The following BRWD1 variants were observed in gnomAD, a reference collection of about 807,000 sequenced individuals.
BRWD1 encodes the protein bromodomain and WD repeat domain containing 1, also known as bromodomain and WD repeat-containing protein 1.
In BRWD1, 82 loss-of-function variants were observed where a neutral mutation model predicts 251.2. The observed-to-expected ratio is 0.33, with a 90% CI of 0.27 to 0.39. BRWD1 has a LOEUF of 0.39. Among genes scored for constraint, BRWD1 ranks in the 10% least tolerant of loss-of-function variants. The pLI is 1.00. For synonymous variants in BRWD1, 918 were observed against 902.8 expected, an observed-to-expected ratio of 1.02 and a Z score of -0.30; for missense variants, 2,233 against 2,711.6, an observed-to-expected ratio of 0.82 and a Z score of 3.92.
At chr21:39,274,815 G>A (rs993741170) in intron 12 of BRWD1, among the ~76,000 whole-genome samples, 1 of 152,218 alleles carries the variant, frequency 6.6e-6, no homozygotes, top group African/African-American at 2.4e-5. Flanking sequence ...GCCAAGGTGG[G>A]TGGATCACAA....
chr21:39,281,001 A>C (rs1187457575), intron 8 of BRWD1, among the ~76,000 whole-genome samples: 1 of 152,230 alleles, frequency 6.6e-6, no homozygotes, highest in Non-Finnish European at 1.5e-5. Flanking sequence ...ATTAAATAGT[A>C]GGAAAATGCA....
In BRWD1 at chr21:39,187,450, A is replaced by G. The variant is rs753342200; in HGVS notation, c.*8809T>C. The G allele has an allele frequency of 6.6e-7, 1 of 1,520,480 alleles. No homozygotes were observed. Among genetic ancestry groups the G allele is most frequent in the Non-Finnish European group, 8.8e-7 (1 of 1,138,176 alleles). The allele number at this position is 1,520,480 out of a possible 1,614,324, so 94.2% of individuals were successfully genotyped here. A position where few individuals can be genotyped will look rare whatever the true frequency, so the allele number is the denominator to read the frequency against. On this transcript the variant is annotated 3_prime_UTR_variant, in exon 41 of 41. Coordinates refer to ENST00000342449, the MANE Select transcript of BRWD1 (RefSeq NM_033656.4). ...ATGAGTGAAAGTTCATGTAAATGCA[A>G]AAATCTTGTAACACAAGATTTTACT... is the stretch of plus-strand genomic sequence containing the variant.
intron 27 of BRWD1, among the ~76,000 whole-genome samples, chr21:39,227,521 A>G (rs1450869860): frequency 6.6e-6 from 1 of 152,166 alleles, no homozygotes; most frequent in African/African-American, 2.4e-5. Flanking sequence ...CACAAAAATC[A>G]CATTCGAGTA....
chr21:39,185,471 C>T (rs573949437), downstream of BRWD1: 14 of 152,006 alleles, frequency 9.2e-5, no homozygotes, highest in African/African-American at 2.7e-4. Flanking sequence ...AAAAATCAAA[C>T]CCCATGCACC....
In BRWD1 at chr21:39,218,683, T is replaced by G. The variant is rs147318979; in HGVS notation, c.3383-23A>C. 4.8e-3 allele frequency: 7,431 copies of G among 1,544,334 alleles called. 34 individuals carry two copies. The highest frequency in any genetic ancestry group is 5.5e-3 in the Middle Eastern group (32 of 5,798). On this transcript the variant is annotated intron_variant, in intron 29 of 40. Transcript: ENST00000342449. Reference sequence around the variant, plus strand: ...CAACTATGAATACCATAAAAAACAATGAGAGGAAGAAAAAAACACAAAAAA... The same window carrying G: ...CAACTATGAATACCATAAAAAACAAGGAGAGGAAGAAAAAAACACAAAAAA...
intron 4 of BRWD1, among the ~76,000 whole-genome samples, chr21:39,308,433 G>A (rs1253394628): frequency 7.4e-6 from 1 of 135,596 alleles, no homozygotes; most frequent in Non-Finnish European, 1.5e-5. Flanking sequence ...AGTCAGCCAA[G>A]ATTATACCAC....
intron 5 of BRWD1, chr21:39,296,810 G>C: frequency 1.6e-5 from 16 of 972,316 alleles, no homozygotes; most frequent in Non-Finnish European, 2.0e-5. Flanking sequence ...TTTCAATGTA[G>C]AATTATATCA....
In BRWD1 at chr21:39,313,506, C is replaced by T; in HGVS notation, c.-15G>A. 9.1e-7 allele frequency: 1 copy of T among 1,104,774 alleles called. No homozygotes were observed. The highest frequency in any genetic ancestry group is 1.1e-6 in the Non-Finnish European group (1 of 894,364). 68.4% of individuals were successfully genotyped at this position (1,104,774 alleles called of 1,614,324 possible). On this transcript the variant is annotated 5_prime_UTR_variant, in exon 1 of 41. Transcript: ENST00000342449. ...GGCTCCGCCATGGCCGGGCGCGGGG[C>T]GGGAGGCGGGAGCGAGCGAGCGAGC... is the stretch of plus-strand genomic sequence containing the variant.
At chr21:39,283,311 CA>C (rs2035532101) in intron 8 of BRWD1, among the ~76,000 whole-genome samples, 1 of 152,150 alleles carries the variant, frequency 6.6e-6, no homozygotes, top group Non-Finnish European at 1.5e-5. Flanking sequence ...AAAGATCTGA[CA>C]TATTTACAAT....
intron 19 of BRWD1, among the ~76,000 whole-genome samples, chr21:39,254,595 G>C (rs2034502774): frequency 1.3e-5 from 2 of 152,046 alleles, no homozygotes; most frequent in Admixed American, 6.5e-5. Flanking sequence ...GGGAAATAAA[G>C]CAAAATAATC....
chr21:39,236,293 C>T (rs749130663), intron 23 of BRWD1, among the ~76,000 whole-genome samples: 1 of 152,130 alleles, frequency 6.6e-6, no homozygotes. Flanking sequence ...CTGACAGATG[C>T]TCCCTTCCTT....
intron 8 of BRWD1, among the ~76,000 whole-genome samples, chr21:39,284,175 T>C (rs187965684): frequency 2.4e-3 from 362 of 152,336 alleles, no homozygotes; most frequent in African/African-American, 8.4e-3. Context: ...ATATAGCCAA[T>C]CTTTTTTTGT....
At chr21:39,237,684 T>C (rs898005812) in intron 22 of BRWD1, among the ~76,000 whole-genome samples, 35 of 152,190 alleles carry the variant, frequency 2.3e-4, no homozygotes, top group African/African-American at 8.0e-4. Context: ...AGAATCATTC[T>C]TTAATTGGTA....
intron 1 of BRWD1, 54 bp from the exon 2 acceptor site, chr21:39,313,353 G>GA: frequency 6.7e-7 from 1 of 1,497,462 alleles, no homozygotes; most frequent in East Asian, 2.7e-5. Context: ...GAGGGGGACG[G>GA]GGCCAGGGGA....
chr21:39,210,304 C>CA (rs1171837172), intron 35 of BRWD1, among the ~76,000 whole-genome samples, 157 bp from the exon 36 acceptor site: 1 of 152,034 alleles, frequency 6.6e-6, no homozygotes, highest in East Asian at 1.9e-4. Context: ...GGTATAAAAA[C>CA]AAAGAAAAGA....
chr21:39,207,999 G>A (rs2032487294), intron 36 of BRWD1, among the ~76,000 whole-genome samples: 1 of 152,188 alleles, frequency 6.6e-6, no homozygotes, highest in South Asian at 2.1e-4. Flanking sequence ...GACTGGGGGT[G>A]AGGGGAAATT....
intron 21 of BRWD1, among the ~76,000 whole-genome samples, chr21:39,240,513 AAT>A (rs2033951720): frequency 6.6e-6 from 1 of 152,200 alleles, no homozygotes; most frequent in African/African-American, 2.4e-5. Flanking sequence ...GAAAAAATCA[AAT>A]AAATATATCC....
At chr21:39,222,952 T>A (rs1442442104) in intron 29 of BRWD1, among the ~76,000 whole-genome samples, 2 of 141,752 alleles carry the variant, frequency 1.4e-5, no homozygotes. Context: ...TTGCCAAAAA[T>A]GCAAAACCTA....
chr21:39,255,567 G>T, intron 19 of BRWD1, 78 bp downstream of exon 19: 1 of 1,169,702 alleles, frequency 8.5e-7, no homozygotes, highest in South Asian at 1.4e-5. Flanking sequence ...ACAATTAATG[G>T]AATACAGAAT....
Sources: allele counts gnomAD v4.1 joint callset (sites outside exome capture counted in the v4.1 genomes callset), GRCh38; gene constraint gnomAD v4.1.1; transcripts MANE v1.5; gene names NCBI Gene and HGNC (gene_info 2026-07-23, HGNC 2026-07-21).